SUCLG2: variants seen among roughly 807,000 people sequenced by gnomAD.
SUCLG2 encodes the protein succinate--CoA ligase [GDP-forming] subunit beta, mitochondrial.
SUCLG2 carries 42 observed loss-of-function variants against 47.9 expected under a neutral mutation model. The ratio of observed to expected loss-of-function variants is 0.88; its 90% CI spans 0.69 to 1.14. The LOEUF is 1.14. Among genes scored for constraint, SUCLG2 ranks in the 50% most tolerant of loss-of-function variants. The pLI, the probability that SUCLG2 is intolerant of heterozygous loss-of-function variation, is 0.00. For missense variants in SUCLG2, 571 were observed against 525.9 expected, an observed-to-expected ratio of 1.09 and a Z score of -0.84; for synonymous variants, 195 against 197.3, an observed-to-expected ratio of 0.99 and a Z score of 0.10.
At chr3:67,581,281 G>A (rs376197527) in intron 2 of SUCLG2, among the ~76,000 whole-genome samples, 2 of 152,182 alleles carry the variant, frequency 1.3e-5, no homozygotes, top group Non-Finnish European at 2.9e-5. Context: ...TCAAAAGTAC[G>A]TAGTACCCAG....
At chr3:67,567,264 T>G (rs183312192) in intron 2 of SUCLG2, among the ~76,000 whole-genome samples, 42 of 151,820 alleles carry the variant, frequency 2.8e-4, no homozygotes, top group Middle Eastern at 6.8e-3. Context: ...ATGCTGCATT[T>G]TAATATGGCA....
At chr3:67,454,734 G>A (rs1331434872) in intron 9 of SUCLG2, among the ~76,000 whole-genome samples, 3 of 152,066 alleles carry the variant, frequency 2.0e-5, no homozygotes, top group African/African-American at 7.2e-5. Context: ...AGGCCAAGGC[G>A]GGTGGATCAC....
chr3:67,646,316 G>C (rs1701190533), intron 1 of SUCLG2, among the ~76,000 whole-genome samples: 1 of 152,144 alleles, frequency 6.6e-6, no homozygotes, highest in African/African-American at 2.4e-5. Context: ...ATAAAGTTTG[G>C]CCGGGCACGG....
intron 10 of SUCLG2, among the ~76,000 whole-genome samples, chr3:67,384,557 A>G (rs1702222160): frequency 6.6e-6 from 1 of 152,242 alleles, no homozygotes; most frequent in Non-Finnish European, 1.5e-5. Context: ...CCTTTGCTCT[A>G]TACAATCCAA....
intron 2 of SUCLG2, among the ~76,000 whole-genome samples, chr3:67,607,428 C>G (rs1018521100): frequency 6.6e-6 from 1 of 151,756 alleles, no homozygotes; most frequent in South Asian, 2.1e-4. Flanking sequence ...TTAATTTCAC[C>G]CTTTTTTTCA....
chr3:67,567,601 C>G (rs1707489788), intron 2 of SUCLG2, among the ~76,000 whole-genome samples: 1 of 152,188 alleles, frequency 6.6e-6, no homozygotes, highest in Non-Finnish European at 1.5e-5. Flanking sequence ...AATTTAAAGA[C>G]TAAAGGAAAA....
At chr3:67,424,105 A>T (rs2106866813) in intron 9 of SUCLG2, among the ~76,000 whole-genome samples, 1 of 152,376 alleles carries the variant, frequency 6.6e-6, no homozygotes. Flanking sequence ...CTCATTCAAA[A>T]AAGGTCAGTG....
chr3:67,586,644 T>C (rs1394846428), intron 2 of SUCLG2, among the ~76,000 whole-genome samples: 1 of 152,222 alleles, frequency 6.6e-6, no homozygotes, highest in African/African-American at 2.4e-5. Context: ...TATTTTTATA[T>C]GTTCTGTTGG....
In SUCLG2 at chr3:67,651,432, C is replaced by T. The variant is rs376407116; in HGVS notation, c.84+3071G>A. 1.6e-4 allele frequency among the ~76,000 whole-genome samples: 24 copies of T among 152,354 alleles called. 1 individual carries two copies. The highest frequency in any genetic ancestry group is 4.8e-4 in the African/African-American group (20 of 41,566). On this transcript the variant is annotated intron_variant, in intron 1 of 10. Transcript: ENST00000307227. ...CTTCCCCTTAGTCTCACCTAGCTGG[C>T]TACCTTTCATCGCTCAGGTCTCAGC...
intron 10 of SUCLG2, among the ~76,000 whole-genome samples, chr3:67,379,765 T>G (rs1224544619): frequency 6.6e-6 from 1 of 152,230 alleles, no homozygotes; most frequent in African/African-American, 2.4e-5. Flanking sequence ...ACAAGGCATC[T>G]GTTAAATGGT....
intron 2 of SUCLG2, among the ~76,000 whole-genome samples, chr3:67,582,740 A>G (rs1392775547): frequency 6.6e-6 from 1 of 152,064 alleles, no homozygotes; most frequent in Non-Finnish European, 1.5e-5. Flanking sequence ...CCAGCAGTGT[A>G]TAAGTGTTCC....
chr3:67,384,569 T>C (rs913758119), intron 10 of SUCLG2, among the ~76,000 whole-genome samples: 1 of 152,208 alleles, frequency 6.6e-6, no homozygotes, highest in Non-Finnish European at 1.5e-5. Flanking sequence ...ACAATCCAAA[T>C]TTCTGGCCTT....
intron 7 of SUCLG2, among the ~76,000 whole-genome samples, chr3:67,506,544 G>T (rs533725825): frequency 6.6e-6 from 1 of 152,068 alleles, no homozygotes; most frequent in African/African-American, 2.4e-5. Context: ...GACTCATGAC[G>T]TTTTATAAAC....
At chr3:67,624,990 C>G (rs1028762347) in intron 1 of SUCLG2, among the ~76,000 whole-genome samples, 1 of 152,180 alleles carries the variant, frequency 6.6e-6, no homozygotes, top group Non-Finnish European at 1.5e-5. Flanking sequence ...GCAAAGGAAA[C>G]AATATCCTAA....
chr3:67,559,296 T>C (rs1269225237), intron 2 of SUCLG2, among the ~76,000 whole-genome samples: 1 of 152,152 alleles, frequency 6.6e-6, no homozygotes. Flanking sequence ...GCTATAAATA[T>C]ACTACCTGAG....
At chr3:67,609,324 G>T in intron 2 of SUCLG2, 131 bp downstream of exon 2, 1 of 1,100,774 alleles carries the variant, frequency 9.1e-7, no homozygotes, top group Admixed American at 2.4e-5. Flanking sequence ...TGCTTTTGCA[G>T]TTCTAAGCTC....
At chr3:67,488,036 AAAAG>A (rs142370514) in intron 9 of SUCLG2, among the ~76,000 whole-genome samples, 373 of 152,200 alleles carry the variant, frequency 2.5e-3, no homozygotes, top group African/African-American at 8.7e-3. Flanking sequence ...ACACATAAAA[AAAAG>A]AAAGAAAGCA....
At chr3:67,521,491 C>A (rs1370477033) in intron 4 of SUCLG2, among the ~76,000 whole-genome samples, 8 of 152,190 alleles carry the variant, frequency 5.3e-5, no homozygotes, top group Non-Finnish European at 8.8e-5. Flanking sequence ...CCAGGAAAAA[C>A]CACTGCTGAC....
At chr3:67,436,155 A>G (rs1240016295) in intron 9 of SUCLG2, among the ~76,000 whole-genome samples, 1 of 152,230 alleles carries the variant, frequency 6.6e-6, no homozygotes, top group East Asian at 1.9e-4. Flanking sequence ...CAAAGGCTCA[A>G]AAGTGAGAAA....
Sources: allele counts gnomAD v4.1 joint callset (sites outside exome capture counted in the v4.1 genomes callset), GRCh38; gene constraint gnomAD v4.1.1; transcripts MANE v1.5; gene names NCBI Gene and HGNC (gene_info 2026-07-23, HGNC 2026-07-21).